SAMD7: variants seen among roughly 807,000 people sequenced by gnomAD.
SAMD7 encodes sterile alpha motif domain-containing protein 7.
In SAMD7, 34 loss-of-function variants were observed where a neutral mutation model predicts 36.7. That is an observed-to-expected ratio of 0.93 (90% CI 0.71 to 1.23). The LOEUF is 1.23. SAMD7 is among the 50% of genes most tolerant of loss of function. The pLI is 0.00. For missense variants in SAMD7, 570 were observed against 546.6 expected (o/e 1.04, Z -0.43); for synonymous variants, 188 against 189.7 (o/e 0.99, Z 0.07).
chr3:169,927,415 C>T (rs1713322288), intron 6 of SAMD7, among the ~76,000 whole-genome samples: 1 of 151,614 alleles, frequency 6.6e-6, no homozygotes, highest in South Asian at 2.1e-4. Context: ...CTGCCTCAGC[C>T]TCCCGAGTAG....
chr3:169,917,071 T>A (rs1712836980), intron 2 of SAMD7, among the ~76,000 whole-genome samples: 1 of 152,210 alleles, frequency 6.6e-6, no homozygotes, highest in African/African-American at 2.4e-5. Flanking sequence ...CTCACAGAAA[T>A]ACAGTGAAAG....
chr3:169,935,758 C>A lies in SAMD7; in HGVS notation c.1042-581C>A, dbSNP rs560246863. On this transcript the variant is annotated intron_variant, in intron 7 of 8. Coordinates refer to ENST00000335556, the MANE Select transcript of SAMD7 (RefSeq NM_001304366.2). The stretch of plus-strand genomic sequence containing the variant: ...GCCTGGAATCTTTGTCCACCAGCAG[C>A]CTTCCTGGCTTTCAGAGAAAGGAAG... Among the ~76,000 whole-genome samples the A allele has an allele frequency of 4.6e-5, 7 of 152,280 alleles. No homozygotes were observed. The East Asian group carries it at 9.7e-4, about 21-fold the overall frequency.
chr3:169,912,998 G>A (rs993406637), intron 1 of SAMD7, among the ~76,000 whole-genome samples: 3 of 152,156 alleles, frequency 2.0e-5, no homozygotes, highest in Non-Finnish European at 4.4e-5. Flanking sequence ...GAATTACTTT[G>A]GAGTTGTTGG....
chr3:169,919,324 A>G (rs1712944376), intron 2 of SAMD7, 134 bp from the exon 3 acceptor site: 1 of 610,384 alleles, frequency 1.6e-6, no homozygotes, highest in Non-Finnish European at 2.9e-6. Flanking sequence ...GTTTTTGTGT[A>G]ACTAAAAGCT....
chr3:169,938,564 C>T lies in SAMD7; in HGVS notation c.*58C>T, dbSNP rs1713809156. ...GTTTTCCAAAGAGCCTAGGATATTA[C>T]AAAGGATGTGTGAGGATTTCCCAGT... On this transcript the variant is annotated 3_prime_UTR_variant, in exon 9 of 9. Transcript: ENST00000335556. The T allele has an allele frequency of 1.8e-6, 2 of 1,098,860 alleles. No individual in the cohort carries two copies. Among genetic ancestry groups the T allele is most frequent in the Non-Finnish European group, 1.3e-6 (1 of 753,496 alleles). 68.1% of individuals were successfully genotyped at this position (1,098,860 alleles called of 1,614,324 possible).
At chr3:169,917,621 GTTTGTTTATTTA>G (rs1301490809) in intron 2 of SAMD7, among the ~76,000 whole-genome samples, 2 of 97,124 alleles carry the variant, frequency 2.1e-5, no homozygotes, top group African/African-American at 7.9e-5. Flanking sequence ...ATTTTTATTT[GTTTGTTTATTTA>G]TTTATTTATT....
At chr3:169,927,256 C>A in intron 6 of SAMD7, 75 bp downstream of exon 6, 4 of 751,040 alleles carry the variant, frequency 5.3e-6, no homozygotes, top group African/African-American at 1.8e-5. Context: ...ACATAATAAA[C>A]TGTAACCATC....
At chr3:169,936,661 C>A (rs1338584263) in intron 8 of SAMD7, among the ~76,000 whole-genome samples, 1 of 151,976 alleles carries the variant, frequency 6.6e-6, no homozygotes, top group Non-Finnish European at 1.5e-5. Context: ...AGATGATAAG[C>A]AAGGATGCAC....
chr3:169,918,377 C>T (rs1712904469), intron 2 of SAMD7, among the ~76,000 whole-genome samples: 1 of 152,104 alleles, frequency 6.6e-6, no homozygotes, highest in African/African-American at 2.4e-5. Context: ...CCCCTTCCAC[C>T]CCACTACCCA....
intron 4 of SAMD7, among the ~76,000 whole-genome samples, chr3:169,924,074 C>A (rs1337563204): frequency 6.6e-6 from 1 of 152,120 alleles, no homozygotes; most frequent in Non-Finnish European, 1.5e-5. Context: ...TAGCTTCATG[C>A]ATGCCAGCTG....
intron 7 of SAMD7, chr3:169,932,132 A>G: frequency 1.8e-6 from 1 of 559,526 alleles, no homozygotes; most frequent in Non-Finnish European, 3.3e-6. Flanking sequence ...AGGGCTTTTC[A>G]CCGAATGATG....
At chr3:169,925,207 T>TGAAG in intron 5 of SAMD7, 71 bp downstream of exon 5, 8 of 952,528 alleles carry the variant, frequency 8.4e-6, no homozygotes, top group Non-Finnish European at 1.3e-5. Flanking sequence ...GTTATCTTCA[T>TGAAG]ATAACAAATG....
chr3:169,937,446 C>A (rs141106813), intron 8 of SAMD7, among the ~76,000 whole-genome samples: 1 of 151,988 alleles, frequency 6.6e-6, no homozygotes, highest in Non-Finnish European at 1.5e-5. Context: ...GTGTGTTGTT[C>A]CCCTCCCTAT....
At chr3:169,922,625 A>G (rs1713090962) in intron 4 of SAMD7, among the ~76,000 whole-genome samples, 2 of 152,128 alleles carry the variant, frequency 1.3e-5, no homozygotes, top group Non-Finnish European at 1.5e-5. Flanking sequence ...TCAGCCTGCC[A>G]AGTAGCTGGG....
intron 5 of SAMD7, among the ~76,000 whole-genome samples, chr3:169,925,342 A>T (rs1474622303): frequency 6.6e-6 from 1 of 151,212 alleles, no homozygotes; most frequent in Non-Finnish European, 1.5e-5. Flanking sequence ...CTATTCCTTT[A>T]CTTTCTTAAT....
intron 2 of SAMD7, among the ~76,000 whole-genome samples, chr3:169,917,829 G>T (rs1712872915): frequency 6.6e-6 from 1 of 152,042 alleles, no homozygotes; most frequent in African/African-American, 2.4e-5. Context: ...TTTTAGGAGA[G>T]ACATGGTTTC....
intron 4 of SAMD7, among the ~76,000 whole-genome samples, chr3:169,921,754 G>A (rs1713053904): frequency 6.6e-6 from 1 of 152,170 alleles, no homozygotes. Flanking sequence ...GAGCAACATG[G>A]TCTGACTTAA....
chr3:169,913,365 C>G (rs948023328), intron 1 of SAMD7, among the ~76,000 whole-genome samples: 2 of 151,996 alleles, frequency 1.3e-5, no homozygotes, highest in African/African-American at 4.8e-5. Context: ...AAATTGGCAC[C>G]CGGCTCCTGG....
At chr3:169,927,526 A>T (rs1345202239) in intron 6 of SAMD7, among the ~76,000 whole-genome samples, 1 of 151,066 alleles carries the variant, frequency 6.6e-6, no homozygotes, top group African/African-American at 2.4e-5. Flanking sequence ...CAATCTCCTG[A>T]CCTCGTGATC....
Sources: gnomAD v4.1 joint callset for allele counts (sites outside exome capture counted in the v4.1 genomes callset) on GRCh38, gnomAD v4.1.1 for gene constraint, MANE v1.5 for transcripts, NCBI Gene and HGNC (gene_info 2026-07-23, HGNC 2026-07-21) for gene names.